Variants in KIRREL2 observed in about 807,000 individuals in gnomAD.
KIRREL2 encodes kin of IRRE-like protein 2.
Under a neutral mutation model 73.4 loss-of-function variants are expected in KIRREL2, and 56 were observed. The observed-to-expected ratio is 0.76, with a 90% CI of 0.62 to 0.95. KIRREL2 has a LOEUF of 0.95. KIRREL2 is among the 40% of genes least tolerant of loss of function. KIRREL2 has a pLI of 0.00. For synonymous variants in KIRREL2, 407 were observed against 404.0 expected, an observed-to-expected ratio of 1.01 and a Z score of -0.09; for missense variants, 896 against 935.0, an observed-to-expected ratio of 0.96 and a Z score of 0.54.
intron 13 of KIRREL2, among the ~76,000 whole-genome samples, chr19:35,863,395 C>T (rs1973797672): frequency 6.6e-6 from 1 of 151,070 alleles, no homozygotes; most frequent in African/African-American, 2.4e-5. Flanking sequence ...TGCACTCCAG[C>T]CTGGGCTACA....
chr19:35,864,152 C>A (rs1973848008), intron 13 of KIRREL2, among the ~76,000 whole-genome samples: 1 of 151,550 alleles, frequency 6.6e-6, no homozygotes, highest in African/African-American at 2.4e-5. Flanking sequence ...ATTCCCTAGG[C>A]CCAGTATGTC....
At chr19:35,861,384 C>A in intron 9 of KIRREL2, 130 bp downstream of exon 9, 3 of 1,473,412 alleles carry the variant, frequency 2.0e-6, no homozygotes, top group Admixed American at 2.2e-5. Flanking sequence ...GAGACCGGAC[C>A]TATTGAAGGC....
Position 35,862,561 on chromosome 19 carries a change from A to T in KIRREL2, c.1579A>T (p.Thr527Ser). Reference protein sequence around the residue: ...AATTTLLMVITGVALCCWRHS... With the variant: ...AATTTLLMVISGVALCCWRHS... ...CACCACAACTCTCCTTATGGTCATC[A>T]CTGGGGTGGCCCTCTGCTGCTGGCG... The change falls in exon 12 of 15, where the codon ACT becomes TCT. Residue 527 changes from threonine (T) to serine (S), a missense_variant. Coordinates refer to ENST00000360202, the MANE Select transcript of KIRREL2 (RefSeq NM_199180.4). The T allele has an allele frequency of 6.2e-7, 1 of 1,609,970 alleles. No individual in the cohort carries two copies.
chr19:35,863,155 TA>T, intron 13 of KIRREL2, 119 bp downstream of exon 13: 1 of 626,144 alleles, frequency 1.6e-6, no homozygotes, highest in Non-Finnish European at 2.8e-6. Context: ...CTGACGTTGG[TA>T]ATACCACTTT....
chr19:35,857,169 G>C lies in KIRREL2; in HGVS notation c.50G>C (p.Arg17Thr). The C allele has an allele frequency of 6.2e-7, 1 of 1,613,272 alleles. No homozygotes were observed. The highest frequency in any genetic ancestry group is 1.3e-5 in the African/African-American group (1 of 74,890). Residue 17 changes from arginine to threonine, a missense_variant, in exon 1 of 15, where the codon AGA (arginine) becomes ACA (threonine). Transcript: ENST00000360202. ...PALLVLLFCF[R>T]GRAGPSPHFL... Reference sequence around the variant, plus strand: ...CTCCTCGTCCTCCTCTTCTGCTTCAGAGGGAGAGCAGGTACCGCACGAGGG... The same window carrying C: ...CTCCTCGTCCTCCTCTTCTGCTTCACAGGGAGAGCAGGTACCGCACGAGGG...
In KIRREL2 at chr19:35,866,288, C is replaced by G; in HGVS notation, c.1923C>G (p.Asp641Glu). The stretch of plus-strand genomic sequence containing the variant: ...CCCCAGGGACCCCTACCTTCTATGA[C>G]TTCAACCCACACCTGGGCATGGTCC... ...LGPPGTPTFY[D>E]FNPHLGMVPP... Residue 641 changes from aspartate to glutamate, a missense_variant, in exon 15 of 15, where the codon GAC becomes GAG. Physicochemically the swap from Asp to Glu is conservative, Grantham distance 45. Coordinates refer to ENST00000360202, the MANE Select transcript of KIRREL2 (RefSeq NM_199180.4). 1 of 1,612,872 alleles carries G rather than the reference C, an allele frequency of 6.2e-7. No individual in the cohort carries two copies. Among genetic ancestry groups the G allele is most frequent in the Non-Finnish European group, 8.5e-7 (1 of 1,179,004 alleles).
Position 35,859,504 on chromosome 19 carries a change from TG to T in KIRREL2, c.549del (p.Ser184GlnfsTer6). ...HQTLLKEGTP[G>X]SVESTLTLTP... The stretch of plus-strand genomic sequence containing the variant: ...AGACCCTGCTGAAGGAAGGGACCCC[TG>T]GGTCAGTGGAGAGCACCTTAACCCT... On this transcript the variant is annotated frameshift_variant, in exon 5 of 15. Transcript: ENST00000360202. LOFTEE classifies it high-confidence loss of function. 6.2e-7 allele frequency: 1 copy of T among 1,614,136 alleles called. No individual in the cohort carries two copies. The highest frequency in any genetic ancestry group is 8.5e-7 in the Non-Finnish European group (1 of 1,179,972).
chr19:35,861,181 CT>C lies in KIRREL2; in HGVS notation c.1117del (p.Tyr373MetfsTer21). 6.3e-7 allele frequency: 1 copy of C among 1,582,370 alleles called. No individual in the cohort carries two copies. The highest frequency in any genetic ancestry group is 1.1e-5 in the South Asian group (1 of 88,056). On this transcript the variant is annotated frameshift_variant, in exon 9 of 15. Coordinates refer to ENST00000360202, the MANE Select transcript of KIRREL2 (RefSeq NM_199180.4). LOFTEE classifies it high-confidence loss of function. Reference protein sequence around the residue: ...PSVGPEDAGDYVCRAEAGLSG... With the variant: ...PSVGPEDAGDXVCRAEAGLSG... ...CGGTGGGGCCCGAGGACGCAGGCGA[CT>C]ATGTGTGCAGAGCTGAGGCTGGGCT...
At chr19:35,854,479 G>A (rs764736308), upstream of KIRREL2, among the ~76,000 whole-genome samples, 4 of 151,190 alleles carry the variant, frequency 2.6e-5, no homozygotes, top group Non-Finnish European at 4.4e-5. Context: ...GCGCCACCAC[G>A]CCTGGCTAAT....
Position 35,857,413 on chromosome 19 carries a change from C to T in KIRREL2, c.130C>T (p.Pro44Ser), listed in dbSNP as rs781405439. The T allele has an allele frequency of 6.2e-7, 1 of 1,613,042 alleles. No individual in the cohort carries two copies. The highest frequency in any genetic ancestry group is 2.2e-5 in the East Asian group (1 of 44,870). ...GCTGCTGGGGGAGGAAGCCCGGCTG[C>T]CGTGTGCTCTGGGCGCCTACTGGGG... ...VVLLGEEARL[P>S]CALGAYWGLV... Residue 44 changes from proline to serine, a missense_variant, in exon 2 of 15, where the codon CCG (proline) becomes TCG (serine). By Grantham distance (74) the Pro-to-Ser change is moderately conservative. Coordinates refer to ENST00000360202, the MANE Select transcript of KIRREL2 (RefSeq NM_199180.4).
chr19:35,855,410 A>G (rs1973385960), upstream of KIRREL2, among the ~76,000 whole-genome samples: 1 of 151,890 alleles, frequency 6.6e-6, no homozygotes, highest in Non-Finnish European at 1.5e-5. Flanking sequence ...AGGAAGGGGA[A>G]GCGGCGTCAA....
chr19:35,857,353 C>A lies in KIRREL2; in HGVS notation c.70C>A (p.Pro24Thr). 1 of 1,612,532 alleles carries A rather than the reference C, an allele frequency of 6.2e-7. No individual in the cohort carries two copies. Among genetic ancestry groups the A allele is most frequent in the Non-Finnish European group, 8.5e-7 (1 of 1,180,030 alleles). The change falls in exon 2 of 15, where the codon CCC becomes ACC. Residue 24 changes from proline (P) to threonine (T), a missense_variant. Physicochemically the swap from Pro to Thr is conservative, Grantham distance 38. Transcript: ENST00000360202. Reference protein sequence around the residue: ...FCFRGRAGPSPHFLQQPEDLV... With the variant: ...FCFRGRAGPSTHFLQQPEDLV... ...GCCCCGAACTCTCCTAGGCCCGTCGCCCCATTTCCTGCAACAGCCAGAGGA... is the reference window on the plus strand; with the variant it reads ...GCCCCGAACTCTCCTAGGCCCGTCGACCCATTTCCTGCAACAGCCAGAGGA...
chr19:35,854,434 G>T (rs1316719325), upstream of KIRREL2, among the ~76,000 whole-genome samples: 2 of 151,686 alleles, frequency 1.3e-5, no homozygotes, highest in Non-Finnish European at 2.9e-5. Context: ...CGATTCTCCT[G>T]CCTCAGCCTC....
chr19:35,864,458 G>A (rs562596612), intron 13 of KIRREL2, among the ~76,000 whole-genome samples, 190 bp from the exon 14 acceptor site: 20 of 152,208 alleles, frequency 1.3e-4, no homozygotes, highest in African/African-American at 4.1e-4. Flanking sequence ...CCAAAGTGCT[G>A]GGATTACATG....
chr19:35,852,070 C>CTTTTTTTTCTTTTTTCTT (rs1973281510), upstream of KIRREL2, among the ~76,000 whole-genome samples: 1 of 150,338 alleles, frequency 6.7e-6, no homozygotes, highest in Non-Finnish European at 1.5e-5. Flanking sequence ...TTTAAAAAAA[C>CTTTTTTTTCTTTTTTCTT]TTTTTTTTCT....
upstream of KIRREL2, among the ~76,000 whole-genome samples, chr19:35,854,930 G>A (rs1416113285): frequency 2.0e-5 from 3 of 152,048 alleles, no homozygotes; most frequent in Non-Finnish European, 4.4e-5. Context: ...ATATGCTGGT[G>A]GGCCTGCCCT....
chr19:35,851,563 G>C, upstream of KIRREL2: 1 of 1,613,914 alleles, frequency 6.2e-7, no homozygotes, highest in Non-Finnish European at 8.5e-7. Flanking sequence ...TGCCAGGGGT[G>C]CTGACCCCAC....
Position 35,864,646 on chromosome 19 carries a change from A to G in KIRREL2, c.1726-2A>G. The G allele has an allele frequency of 6.2e-7, 1 of 1,610,208 alleles. No homozygotes were observed. Among genetic ancestry groups the G allele is most frequent in the Non-Finnish European group, 8.5e-7 (1 of 1,176,776 alleles). ...TCCCTCTCACTAAGTTCCCTACCCC[A>G]GGGCCCCATTGTGCACACTGACCAC... On this transcript the variant is annotated splice_acceptor_variant, in intron 13 of 14. Coordinates refer to ENST00000360202, the MANE Select transcript of KIRREL2 (RefSeq NM_199180.4). LOFTEE classifies it high-confidence loss of function.
At chr19:35,862,270 G>GATTGCAAAGCAA (rs1366094034) in intron 11 of KIRREL2, among the ~76,000 whole-genome samples, 1 of 152,190 alleles carries the variant, frequency 6.6e-6, no homozygotes, top group Non-Finnish European at 1.5e-5. Context: ...AAACTCCAAT[G>GATTGCAAAGCAA]ATTGCAAAGC....
Sources: gnomAD v4.1 joint callset for allele counts (sites outside exome capture counted in the v4.1 genomes callset) on GRCh38, gnomAD v4.1.1 for gene constraint, MANE v1.5 for transcripts, NCBI Gene and HGNC (gene_info 2026-07-23, HGNC 2026-07-21) for gene names.